Variants in USP15 observed in about 807,000 individuals in gnomAD.
USP15 encodes the protein ubiquitin carboxyl-terminal hydrolase 15.
A neutral mutation model predicts 127.1 loss-of-function variants in USP15; 18 were observed. That is an observed-to-expected ratio of 0.14 (90% CI 0.10 to 0.21). USP15 has a LOEUF of 0.21. Among genes scored for constraint, USP15 ranks in the 10% least tolerant of loss-of-function variants. The probability of loss-of-function intolerance (pLI) is 1.00; values close to 1 mark genes in which losing one functional copy is unlikely to be tolerated. For synonymous variants in USP15, 364 were observed against 393.7 expected (o/e 0.92, Z 0.89); for missense variants, 805 against 1,159.9 (o/e 0.69, Z 4.44).
intron 2 of USP15, 163 bp downstream of exon 2, chr12:62,294,469 T>G: frequency 1.5e-6 from 1 of 662,148 alleles, no homozygotes; most frequent in South Asian, 2.8e-5. Context: ...ATTAAAAATT[T>G]TATTAGTTAT....
At chr12:62,274,652 CAG>C (rs1279232961) in intron 1 of USP15, among the ~76,000 whole-genome samples, 2 of 151,666 alleles carry the variant, frequency 1.3e-5, no homozygotes, top group Admixed American at 1.3e-4. Flanking sequence ...AACAAACAAA[CAG>C]ATAAATAAAT....
chr12:62,343,089 T>C (rs1172601070), intron 6 of USP15, among the ~76,000 whole-genome samples: 2 of 152,180 alleles, frequency 1.3e-5, no homozygotes, highest in African/African-American at 4.8e-5. Context: ...CTGGGGCTGC[T>C]GCATTTTCTT....
In USP15 at chr12:62,410,668, T is replaced by C. The variant is rs2068017674; in HGVS notation, c.*6293T>C. The C allele has an allele frequency of 6.6e-6, 1 of 152,186 alleles. No homozygotes were observed. The highest frequency in any genetic ancestry group is 1.5e-5 in the Non-Finnish European group (1 of 68,034). The allele number at this position is 152,186 out of a possible 1,614,324, so 9.4% of individuals were successfully genotyped here. A position where few individuals can be genotyped will look rare whatever the true frequency, so the allele number is the denominator to read the frequency against. ...ACCATAGCTAGCTCCAAACAGGTCA[T>C]TAACCTCTGAATTACTGTTTTCACA... On this transcript the variant is annotated 3_prime_UTR_variant, in exon 22 of 22. Coordinates refer to ENST00000280377, the MANE Select transcript of USP15 (RefSeq NM_001252078.2).
intron 6 of USP15, 127 bp downstream of exon 6, chr12:62,326,060 G>A (rs1592592355): frequency 1.3e-6 from 1 of 758,540 alleles, no homozygotes; most frequent in East Asian, 2.8e-5. Context: ...TTATATTTGA[G>A]TATTTTGTTC....
At chr12:62,385,890 A>G (rs1482301616) in intron 11 of USP15, among the ~76,000 whole-genome samples, 1 of 152,080 alleles carries the variant, frequency 6.6e-6, no homozygotes, top group East Asian at 1.9e-4. Flanking sequence ...ATAAATGTAG[A>G]TGTTTTATTT....
In USP15 at chr12:62,391,454, G is replaced by C. The variant is rs754951092; in HGVS notation, c.2233+25G>C. On this transcript the variant is annotated intron_variant, in intron 16 of 21. Coordinates refer to ENST00000280377, the MANE Select transcript of USP15 (RefSeq NM_001252078.2). ...GGTAAGTATTTGTGAAAAATGGCTT[G>C]AACATTAAACAAGCCGAGCATGTTA... is the stretch of plus-strand genomic sequence containing the variant. The C allele has an allele frequency of 1.0e-5, 16 of 1,582,240 alleles. No homozygotes were observed. The South Asian group carries it at 1.3e-4, about 13-fold the overall frequency.
At chr12:62,296,410 A>G (rs2064129340) in intron 2 of USP15, among the ~76,000 whole-genome samples, 1 of 152,186 alleles carries the variant, frequency 6.6e-6, no homozygotes, top group South Asian at 2.1e-4. Context: ...ACATGCTAAC[A>G]CTGTTTTTTA....
In USP15 at chr12:62,405,506, C is replaced by T. The variant is rs1055044612; in HGVS notation, c.*1131C>T. 4 of 152,484 alleles carry T rather than the reference C, an allele frequency of 2.6e-5. No individual in the cohort carries two copies. The highest frequency in any genetic ancestry group is 2.0e-4 in the Admixed American group (3 of 15,254). 9.4% of individuals were successfully genotyped at this position (152,484 alleles called of 1,614,324 possible). ...TGTACAGTATATAAAGCATAAACAC[C>T]TTGAATTTGATTTTAGTTCACCACA... On this transcript the variant is annotated 3_prime_UTR_variant, in exon 22 of 22. Coordinates refer to ENST00000280377, the MANE Select transcript of USP15 (RefSeq NM_001252078.2).
At chr12:62,296,484 T>A (rs1013614366) in intron 2 of USP15, among the ~76,000 whole-genome samples, 2 of 152,232 alleles carry the variant, frequency 1.3e-5, no homozygotes, top group East Asian at 3.8e-4. Context: ...GGTCACTTGA[T>A]AATGACTAAT....
intron 1 of USP15, among the ~76,000 whole-genome samples, chr12:62,262,181 T>A (rs545037747): frequency 1.3e-4 from 20 of 151,886 alleles, no homozygotes; most frequent in Non-Finnish European, 1.9e-4. Flanking sequence ...GAGGTTGCAG[T>A]GAGCCGAGAT....
At chr12:62,388,420 A>T (rs955833024) in intron 11 of USP15, among the ~76,000 whole-genome samples, 1 of 152,242 alleles carries the variant, frequency 6.6e-6, no homozygotes, top group African/African-American at 2.4e-5. Context: ...GGCGTGAGCC[A>T]CTGGGCCCAG....
At chr12:62,286,893 C>G (rs1240751456) in intron 1 of USP15, among the ~76,000 whole-genome samples, 1 of 149,826 alleles carries the variant, frequency 6.7e-6, no homozygotes, top group Non-Finnish European at 1.5e-5. Flanking sequence ...GCTGAGATCG[C>G]ACCATTGCAC....
intron 2 of USP15, among the ~76,000 whole-genome samples, chr12:62,300,729 A>G (rs1420776933): frequency 6.6e-6 from 1 of 152,188 alleles, no homozygotes; most frequent in Non-Finnish European, 1.5e-5. Context: ...ATTTTGATGC[A>G]TACATGGCAC....
At position 62,322,974 on chromosome 12, in the gene USP15, A is replaced by G. The variant is rs1033236889; in HGVS notation, c.621+1365A>G. On this transcript the variant is annotated intron_variant, in intron 5 of 21. Coordinates refer to ENST00000280377, the MANE Select transcript of USP15 (RefSeq NM_001252078.2). The stretch of plus-strand genomic sequence containing the variant: ...GAGTCCCTGTATTCATCCAGCAAAA[A>G]GTCCTTTTAACCATCCATATAATAA... Among the ~76,000 whole-genome samples the G allele has an allele frequency of 5.3e-5, 8 of 152,164 alleles. No homozygotes were observed. In the East Asian group the frequency reaches 1.5e-3, roughly 29 times the overall value.
In USP15 at chr12:62,384,132, G is replaced by C; in HGVS notation, c.1303G>C (p.Val435Leu). The C allele has an allele frequency of 6.2e-7, 1 of 1,612,926 alleles. No individual in the cohort carries two copies. The highest frequency in any genetic ancestry group is 8.5e-7 in the Non-Finnish European group (1 of 1,179,254). ...NHLKRNDSII[V>L]DIFHGLFKST... ...TTTAAAACGAAATGATTCTATCATA[G>C]TAGATATATTTCATGGCCTTTTCAA... Residue 435 changes from valine (V) to leucine (L), a missense_variant, in exon 11 of 22, where the codon GTA becomes CTA. By Grantham distance (32) the Val-to-Leu change is conservative (BLOSUM62 1). Around this residue, in one of 11 missense-constraint regions of USP15, gnomAD observed 84 missense variants for 210.3 expected, o/e 0.40. Transcript: ENST00000280377.
At chr12:62,303,982 T>G (rs1407068502) in intron 3 of USP15, among the ~76,000 whole-genome samples, 1 of 151,692 alleles carries the variant, frequency 6.6e-6, no homozygotes, top group Non-Finnish European at 1.5e-5. Flanking sequence ...GTAGCCTATT[T>G]AGCTGTAAAA....
At chr12:62,338,768 T>A (rs1592621131) in intron 6 of USP15, among the ~76,000 whole-genome samples, 1 of 152,294 alleles carries the variant, frequency 6.6e-6, no homozygotes, top group Admixed American at 6.5e-5. Flanking sequence ...TTGTGTAAGA[T>A]CACATGGTTG....
chr12:62,292,574 G>C (rs1270934977), intron 1 of USP15, among the ~76,000 whole-genome samples: 1 of 152,204 alleles, frequency 6.6e-6, no homozygotes, highest in Admixed American at 6.5e-5. Context: ...GTGGGTGGAG[G>C]GGGAGGAGAA....
In USP15 at chr12:62,374,346, C is replaced by G. The variant is rs570034706; in HGVS notation, c.916-7144C>G. The G allele has an allele frequency of 4.1e-6, 4 of 980,390 alleles. No homozygotes were observed. In the South Asian group the frequency reaches 1.4e-4, roughly 35 times the overall value. The allele number at this position is 980,390 out of a possible 1,614,324, so 60.7% of individuals were successfully genotyped here. On this transcript the variant is annotated intron_variant, in intron 8 of 21. Coordinates refer to ENST00000280377, the MANE Select transcript of USP15 (RefSeq NM_001252078.2). ...TAGAATGAGTTACACAACTCAAAAG[C>G]TTTAGGTAATCAAAAATTAAGTTTG...
Sources: allele counts gnomAD v4.1 joint callset (sites outside exome capture counted in the v4.1 genomes callset), GRCh38; gene constraint gnomAD v4.1.1; regional missense constraint gnomAD v4.1.1; transcripts MANE v1.5; gene names NCBI Gene and HGNC (gene_info 2026-07-23, HGNC 2026-07-21).